PRRG3: variants seen among roughly 807,000 people sequenced by gnomAD.
The protein encoded by PRRG3 is transmembrane gamma-carboxyglutamic acid protein 3.
In PRRG3, 21 loss-of-function variants were observed where a neutral mutation model predicts 15.8. The observed-to-expected ratio is 1.33, with a 90% CI of 0.94 to 1.92. The LOEUF is 1.92. Ranked by LOEUF, PRRG3 falls within the 40% of genes most tolerant of loss-of-function variation. The pLI, the probability that PRRG3 is intolerant of heterozygous loss-of-function variation, is 0.00. For missense variants in PRRG3, 251 were observed against 200.2 expected (o/e 1.25, Z -1.53); for synonymous variants, 125 against 84.1 (o/e 1.49, Z -2.66).
rs4507912 is a variant in PRRG3, at chrX:151,702,667, C to T, written c.*1634C>T. 27,957 of 111,642 alleles carry T rather than the reference C, an allele frequency of 0.25. 2,673 individuals carry two copies. The highest frequency in any genetic ancestry group is 0.32 in the East Asian group (1,124 of 3,495). 9.2% of individuals were successfully genotyped at this position (111,642 alleles called of 1,213,427 possible). ...TCATATGCCTCTGATGTTGAGTCTC[C>T]ACTTGGAGAGTCAATCTCCCGTCAG... On this transcript the variant is annotated 3_prime_UTR_variant, in exon 4 of 4. Transcript: ENST00000674457.
At chrX:151,697,283 C>T (rs2014783743) in intron 1 of PRRG3, among the ~76,000 whole-genome samples, 2 of 109,419 alleles carry the variant, frequency 1.8e-5, no homozygotes, top group African/African-American at 3.3e-5. Flanking sequence ...TCTCAGCCTC[C>T]AGAGTAGCTG....
In PRRG3 at chrX:151,705,847, T is replaced by A. The variant is rs1350149063; in HGVS notation, c.*4814T>A. On this transcript the variant is annotated 3_prime_UTR_variant, in exon 4 of 4. Transcript: ENST00000674457. ...CTCTCTCTCTTTCTTTTTATAATTG[T>A]TGAATTTGGCTGTTACATTTTGTCT... 2.6e-5 allele frequency: 3 copies of A among 113,239 alleles called. No individual in the cohort carries two copies. The highest frequency in any genetic ancestry group is 5.6e-5 in the Non-Finnish European group (3 of 53,599). The allele number at this position is 113,239 out of a possible 1,213,427, so 9.3% of individuals were successfully genotyped here.
rs917871813 is a variant in PRRG3, at chrX:151,702,670, T to C, written c.*1637T>C. ...TATGCCTCTGATGTTGAGTCTCCAC[T>C]TGGAGAGTCAATCTCCCGTCAGTTG... On this transcript the variant is annotated 3_prime_UTR_variant, in exon 4 of 4. Coordinates refer to ENST00000674457, the MANE Select transcript of PRRG3 (RefSeq NM_001372163.1). 1 of 112,534 alleles carries C rather than the reference T, an allele frequency of 8.9e-6. No individual in the cohort carries two copies. The highest frequency in any genetic ancestry group is 9.3e-5 in the Admixed American group (1 of 10,715). 9.3% of individuals were successfully genotyped at this position (112,534 alleles called of 1,213,427 possible). A position where few individuals can be genotyped will look rare whatever the true frequency, so the allele number is the denominator to read the frequency against.
In PRRG3 at chrX:151,703,952, G is replaced by A. The variant is rs1236715532; in HGVS notation, c.*2919G>A. The A allele has an allele frequency of 1.3e-5, 1 of 75,142 alleles. No individual in the cohort carries two copies. Among genetic ancestry groups the A allele is most frequent in the Admixed American group, 1.7e-4 (1 of 5,903 alleles). The allele number at this position is 75,142 out of a possible 1,213,427, so 6.2% of individuals were successfully genotyped here. ...TGTGTGTGTGTGTGTGTGTGTGTGTGTATGGAAAGATGTGTGACTATTGAC... is the reference window on the plus strand; with the variant it reads ...TGTGTGTGTGTGTGTGTGTGTGTGTATATGGAAAGATGTGTGACTATTGAC... On this transcript the variant is annotated 3_prime_UTR_variant, in exon 4 of 4. Coordinates refer to ENST00000674457, the MANE Select transcript of PRRG3 (RefSeq NM_001372163.1).
chrX:151,696,047 A>G lies in PRRG3; in HGVS notation c.-32+503A>G, dbSNP rs917991709. ...CTTCAGTCTGGGGTGGAGTTAAGCA[A>G]GGTCTTTGTGGTGGCCAGTTCCCTG... On this transcript the variant is annotated intron_variant, in intron 1 of 3. Coordinates refer to ENST00000674457, the MANE Select transcript of PRRG3 (RefSeq NM_001372163.1). Among the ~76,000 whole-genome samples the G allele has an allele frequency of 4.5e-5, 5 of 111,011 alleles. No individual in the cohort carries two copies. The South Asian group carries it at 2.0e-3, about 43-fold the overall frequency.
intron 1 of PRRG3, among the ~76,000 whole-genome samples, chrX:151,697,663 A>G (rs1044027867): frequency 2.5e-4 from 28 of 110,303 alleles, no homozygotes; most frequent in Non-Finnish European, 3.8e-5. Flanking sequence ...CAGCCTAGGC[A>G]AAAAGGAGGG....
Position 151,703,202 on chromosome X carries a change from T to C in PRRG3, c.*2169T>C, listed in dbSNP as rs188103874. Reference sequence around the variant, plus strand: ...GTGGGAAGAGTCACAGGAGGTTGCTTAAGGCCTGTGATGTTCGGTTCAGAT... The same window carrying C: ...GTGGGAAGAGTCACAGGAGGTTGCTCAAGGCCTGTGATGTTCGGTTCAGAT... On this transcript the variant is annotated 3_prime_UTR_variant, in exon 4 of 4. Coordinates refer to ENST00000674457, the MANE Select transcript of PRRG3 (RefSeq NM_001372163.1). 4.2e-3 allele frequency: 466 copies of C among 111,825 alleles called. 1 individual carries two copies. Among genetic ancestry groups the C allele is most frequent in the Non-Finnish European group, 6.8e-3 (359 of 53,086 alleles). 9.2% of individuals were successfully genotyped at this position (111,825 alleles called of 1,213,427 possible).
rs771635259 is a variant in PRRG3, at chrX:151,702,113, G to C, written c.*1080G>C. 2 of 111,450 alleles carry C rather than the reference G, an allele frequency of 1.8e-5. No individual in the cohort carries two copies. The allele number at this position is 111,450 out of a possible 1,213,427, so 9.2% of individuals were successfully genotyped here. ...CCTTTAACTGTCAGTGACCATGCTA[G>C]ACACTGTTGATACCACCTCCCCCTA... is the stretch of plus-strand genomic sequence containing the variant. On this transcript the variant is annotated 3_prime_UTR_variant, in exon 4 of 4. Transcript: ENST00000674457.
chrX:151,699,829 C>T, intron 2 of PRRG3, 167 bp from the exon 3 acceptor site: 2 of 478,246 alleles, frequency 4.2e-6, no homozygotes, highest in African/African-American at 2.4e-5. Flanking sequence ...CCTTCCATCC[C>T]TTTCACAAAG....
In PRRG3 at chrX:151,700,883, C is replaced by T; in HGVS notation, c.546C>T (p.Leu182=). 8.3e-7 allele frequency: 1 copy of T among 1,210,838 alleles called. No homozygotes were observed. The highest frequency in any genetic ancestry group is 1.1e-6 in the Non-Finnish European group (1 of 895,154). The part of the protein sequence containing the change: ...ESTLYLPELS[L]SRLSSTTPPP... Reference sequence around the variant, plus strand: ...CCCTCTACCTCCCTGAGCTCTCTCTCTCCAGACTGTCCAGCACCACCCCTC... The same window carrying T: ...CCCTCTACCTCCCTGAGCTCTCTCTTTCCAGACTGTCCAGCACCACCCCTC... The change falls in exon 4 of 4, where the codon CTC becomes CTT. Residue 182 remains leucine, a synonymous_variant. Transcript: ENST00000674457.
upstream of PRRG3, chrX:151,695,343 G>A (rs2014739103): frequency 9.0e-6 from 1 of 111,247 alleles, no homozygotes; most frequent in Non-Finnish European, 1.9e-5. Flanking sequence ...GGCCCTGGAG[G>A]GGCGGGCGAC....
At position 151,704,032 on chromosome X, in the gene PRRG3, G is replaced by A. The variant is rs1482228025; in HGVS notation, c.*2999G>A. The stretch of plus-strand genomic sequence containing the variant: ...TGTTTTTCATTTTTCAAAAAGAAAA[G>A]GTTTTAAAAATTTTCTTGAAATGTG... On this transcript the variant is annotated 3_prime_UTR_variant, in exon 4 of 4. Coordinates refer to ENST00000674457, the MANE Select transcript of PRRG3 (RefSeq NM_001372163.1). 1.9e-5 allele frequency: 2 copies of A among 105,230 alleles called. No homozygotes were observed. Among genetic ancestry groups the A allele is most frequent in the Non-Finnish European group, 3.9e-5 (2 of 51,451 alleles). 8.7% of individuals were successfully genotyped at this position (105,230 alleles called of 1,213,427 possible).
intron 1 of PRRG3, among the ~76,000 whole-genome samples, chrX:151,695,893 G>A (rs2014751952): frequency 9.0e-6 from 1 of 111,465 alleles, no homozygotes; most frequent in Non-Finnish European, 1.9e-5. Context: ...TCTGAGGGAT[G>A]GAAATAAAGT....
intron 1 of PRRG3, among the ~76,000 whole-genome samples, chrX:151,697,411 G>C (rs183789849): frequency 1.3e-4 from 14 of 110,594 alleles, no homozygotes; most frequent in Non-Finnish European, 2.6e-4. Flanking sequence ...TGATCCGCCC[G>C]CCTCAGCCTC....
rs1326327429 is a variant in PRRG3 at position 151,705,400 on chromosome X, G to A, written c.*4367G>A. The A allele has an allele frequency of 5.9e-6, 2 of 340,851 alleles. No individual in the cohort carries two copies. Among genetic ancestry groups the A allele is most frequent in the Middle Eastern group, 4.3e-4 (1 of 2,307 alleles). 28.1% of individuals were successfully genotyped at this position (340,851 alleles called of 1,213,427 possible). ...TTTATCTGACAAACATACCCAAATA[G>A]CACACCCTCTCAAGCTCAATGCCTC... On this transcript the variant is annotated 3_prime_UTR_variant, in exon 4 of 4. Transcript: ENST00000674457.
chrX:151,697,734 G>C (rs1424952758), intron 1 of PRRG3, among the ~76,000 whole-genome samples: 1 of 108,225 alleles, frequency 9.2e-6, no homozygotes, highest in Admixed American at 1.0e-4. Flanking sequence ...CAGAGCTTCT[G>C]CTTGGGGAGG....
intron 2 of PRRG3, 122 bp from the exon 3 acceptor site, chrX:151,699,874 C>T (rs1464005445): frequency 2.8e-6 from 2 of 717,165 alleles, no homozygotes; most frequent in African/African-American, 4.3e-5. Flanking sequence ...AGCCTGGTGT[C>T]TTGCCTGCTC....
chrX:151,696,463 C>T (rs2014762150), intron 1 of PRRG3, among the ~76,000 whole-genome samples: 1 of 110,372 alleles, frequency 9.1e-6, no homozygotes, highest in Admixed American at 9.7e-5. Flanking sequence ...TTAGCAGGTG[C>T]GTCAGGATAA....
Position 151,696,999 on chromosome X carries a change from TTCTC to T in PRRG3, c.-32+1459_-32+1462del, listed in dbSNP as rs199707366. ...TTCTTTTCTCTCTTTCTCTCTTTCT[TTCTC>T]TCTTTCTTTCTTTCTTCCTTCCTTC... On this transcript the variant is annotated intron_variant, in intron 1 of 3. Coordinates refer to ENST00000674457, the MANE Select transcript of PRRG3 (RefSeq NM_001372163.1). Among the ~76,000 whole-genome samples, 11 of 109,852 alleles carry T rather than the reference TTCTC, an allele frequency of 1.0e-4. 1 individual carries two copies. Among genetic ancestry groups the T allele is most frequent in the Admixed American group, 4.8e-4 (5 of 10,342 alleles).
Sources: allele counts gnomAD v4.1 joint callset (sites outside exome capture counted in the v4.1 genomes callset), GRCh38; gene constraint gnomAD v4.1.1; transcripts MANE v1.5; gene names NCBI Gene and HGNC (gene_info 2026-07-23, HGNC 2026-07-21).